CCDC148: variants seen among roughly 807,000 people sequenced by gnomAD.
CCDC148 encodes coiled-coil domain-containing protein 148.
In CCDC148, 89 loss-of-function variants were observed where a neutral mutation model predicts 85.7. That is an observed-to-expected ratio of 1.04 (90% CI 0.87 to 1.24). The LOEUF (loss-of-function observed/expected upper bound fraction) is 1.24. CCDC148 is among the 50% of genes most tolerant of loss of function. The probability of loss-of-function intolerance (pLI) is 0.00; values close to 1 mark genes in which losing one functional copy is unlikely to be tolerated. For synonymous variants in CCDC148, 230 were observed against 213.9 expected (o/e 1.08, Z -0.66); for missense variants, 692 against 671.7 (o/e 1.03, Z -0.33).
intron 10 of CCDC148, among the ~76,000 whole-genome samples, chr2:158,223,608 C>A (rs1020023496): frequency 6.6e-6 from 1 of 152,152 alleles, no homozygotes; most frequent in African/African-American, 2.4e-5. Context: ...GCTGGGTACT[C>A]CTCTGAGACA....
chr2:158,259,075 T>C (rs771041778), intron 9 of CCDC148, among the ~76,000 whole-genome samples: 153 of 151,888 alleles, frequency 1.0e-3, no homozygotes, highest in Non-Finnish European at 1.6e-3. Context: ...TATGTAGATA[T>C]TGCACATGCC....
intron 1 of CCDC148, among the ~76,000 whole-genome samples, chr2:158,367,901 T>C (rs1293475933): frequency 1.3e-5 from 2 of 152,214 alleles, no homozygotes; most frequent in Non-Finnish European, 2.9e-5. Flanking sequence ...TGATTAGGCA[T>C]TCAGATTTAG....
chr2:158,276,929 T>C (rs1275425974), intron 9 of CCDC148, among the ~76,000 whole-genome samples: 1 of 152,210 alleles, frequency 6.6e-6, no homozygotes, highest in African/African-American at 2.4e-5. Context: ...AGCCTACAAA[T>C]TCCAAACTGC....
chr2:158,275,903 A>G (rs1689919220), intron 9 of CCDC148, among the ~76,000 whole-genome samples: 1 of 152,138 alleles, frequency 6.6e-6, no homozygotes. Context: ...ATAGAAATTT[A>G]TGGCCTGAAC....
intron 1 of CCDC148, among the ~76,000 whole-genome samples, chr2:158,380,329 G>A (rs1029547894): frequency 6.6e-6 from 1 of 152,062 alleles, no homozygotes; most frequent in African/African-American, 2.4e-5. Context: ...AAGCATTACA[G>A]TAGACCAATA....
chr2:158,456,555 T>C lies in CCDC148; in HGVS notation c.-116A>G, dbSNP rs1478265600. 2 of 1,319,660 alleles carry C rather than the reference T, an allele frequency of 1.5e-6. No individual in the cohort carries two copies. The highest frequency in any genetic ancestry group is 1.5e-5 in the African/African-American group (1 of 67,260). 81.7% of individuals were successfully genotyped at this position (1,319,660 alleles called of 1,614,324 possible). A position where few individuals can be genotyped will look rare whatever the true frequency, so the allele number is the denominator to read the frequency against. On this transcript the variant is annotated 5_prime_UTR_variant, in exon 1 of 14. Coordinates refer to ENST00000283233, the MANE Select transcript of CCDC148 (RefSeq NM_138803.4). ...CTAAGGGCTCAGCTGTTCCTACCTT[T>C]GACGCCAGGGACAAACCCTACCAGG... is the stretch of plus-strand genomic sequence containing the variant.
intron 10 of CCDC148, among the ~76,000 whole-genome samples, chr2:158,247,881 T>C (rs777072646): frequency 6.6e-6 from 1 of 152,134 alleles, no homozygotes; most frequent in Non-Finnish European, 1.5e-5. Flanking sequence ...ATTAGGTCTA[T>C]GTGTATTACT....
intron 9 of CCDC148, among the ~76,000 whole-genome samples, chr2:158,260,067 A>C (rs531111722): frequency 4.6e-5 from 7 of 152,034 alleles, no homozygotes; most frequent in Admixed American, 1.3e-4. Flanking sequence ...TTTATTAATC[A>C]ATTGATTTAT....
chr2:158,395,868 T>C (rs1337094733), intron 1 of CCDC148, among the ~76,000 whole-genome samples: 4 of 152,162 alleles, frequency 2.6e-5, no homozygotes, highest in Non-Finnish European at 5.9e-5. Flanking sequence ...ATAAAATAGC[T>C]ATACAAAGTG....
At chr2:158,313,983 T>C (rs751981170) in intron 7 of CCDC148, 89 bp from the exon 8 acceptor site, 37 of 1,293,932 alleles carry the variant, frequency 2.9e-5, no homozygotes, top group Non-Finnish European at 3.6e-5. Flanking sequence ...CAAGTGATAG[T>C]AACGAAGCAA....
chr2:158,439,237 G>C (rs973762510), intron 1 of CCDC148, among the ~76,000 whole-genome samples: 1 of 152,120 alleles, frequency 6.6e-6, no homozygotes, highest in African/African-American at 2.4e-5. Flanking sequence ...AAATGTCCAA[G>C]AATGATAGAC....
chr2:158,227,171 C>T (rs1055769615), intron 10 of CCDC148, among the ~76,000 whole-genome samples: 1 of 152,058 alleles, frequency 6.6e-6, no homozygotes, highest in Non-Finnish European at 1.5e-5. Context: ...AACAGACAAA[C>T]AGAGAGCCAA....
At chr2:158,207,659 A>G (rs1391790439) in intron 11 of CCDC148, 1 of 152,198 alleles carries the variant, frequency 6.6e-6, no homozygotes, top group Non-Finnish European at 1.5e-5. Context: ...AATGGGAAAT[A>G]GGAGTGTTAT....
intron 9 of CCDC148, among the ~76,000 whole-genome samples, chr2:158,251,543 A>T (rs1043531045): frequency 1.3e-5 from 2 of 151,826 alleles, no homozygotes; most frequent in African/African-American, 4.8e-5. Context: ...ATTTAAAGAG[A>T]AGACAATTAA....
intron 9 of CCDC148, among the ~76,000 whole-genome samples, chr2:158,273,491 G>T (rs1361223747): frequency 6.6e-6 from 1 of 152,032 alleles, no homozygotes; most frequent in African/African-American, 2.4e-5. Flanking sequence ...GTGCCTGATG[G>T]GCACGTGCGT....
chr2:158,452,662 AC>A (rs140888711), intron 1 of CCDC148, among the ~76,000 whole-genome samples: 9,476 of 152,210 alleles, frequency 0.062, 626 homozygotes, highest in African/African-American at 0.16. Flanking sequence ...TGGCATCATT[AC>A]CAGTTAGGGG....
intron 10 of CCDC148, among the ~76,000 whole-genome samples, chr2:158,229,727 C>A (rs900147563): frequency 6.6e-6 from 1 of 152,188 alleles, no homozygotes; most frequent in Non-Finnish European, 1.5e-5. Flanking sequence ...CCACCTTCTT[C>A]GTAGCCTCCC....
chr2:158,196,190 T>C (rs1685659888), intron 11 of CCDC148, among the ~76,000 whole-genome samples: 1 of 152,142 alleles, frequency 6.6e-6, no homozygotes, highest in African/African-American at 2.4e-5. Flanking sequence ...AAAACAAAGG[T>C]AACAAATACT....
chr2:158,345,749 G>A (rs1682963943), intron 2 of CCDC148, among the ~76,000 whole-genome samples: 1 of 152,028 alleles, frequency 6.6e-6, no homozygotes, highest in Non-Finnish European at 1.5e-5. Context: ...TAAAAGATGT[G>A]GTCAAGATTA....
Sources: gnomAD v4.1 joint callset for allele counts (sites outside exome capture counted in the v4.1 genomes callset) on GRCh38, gnomAD v4.1.1 for gene constraint, MANE v1.5 for transcripts, NCBI Gene and HGNC (gene_info 2026-07-23, HGNC 2026-07-21) for gene names.